TAFA2: variants seen among roughly 807,000 people sequenced by gnomAD.
TAFA2 encodes the protein chemokine-like protein TAFA-2.
In TAFA2, 7 loss-of-function variants were observed where a neutral mutation model predicts 18.8. The ratio of observed to expected loss-of-function variants is 0.37; its 90% CI spans 0.21 to 0.70. The LOEUF is 0.70. TAFA2 is among the 30% of genes least tolerant of loss of function. The pLI is 0.53. For missense variants in TAFA2, 122 were observed against 158.1 expected, an observed-to-expected ratio of 0.77 and a Z score of 1.23; for synonymous variants, 60 against 54.2, an observed-to-expected ratio of 1.11 and a Z score of -0.47.
chr12:61,800,285 C>T (rs1193430714), intron 2 of TAFA2, among the ~76,000 whole-genome samples: 1 of 152,088 alleles, frequency 6.6e-6, no homozygotes, highest in Non-Finnish European at 1.5e-5. Context: ...TGGCTGAGAA[C>T]TCTATTTTCA....
intron 2 of TAFA2, among the ~76,000 whole-genome samples, chr12:61,859,433 A>ATTGTGTTTTTGT: frequency 6.6e-6 from 1 of 151,260 alleles, no homozygotes; most frequent in South Asian, 2.1e-4. Context: ...ACAAAGCAAT[A>ATTGTGTTTTTGT]TTTTGTTTTT....
At chr12:61,733,276 A>C (rs1043843302) in intron 4 of TAFA2, among the ~76,000 whole-genome samples, 1 of 151,960 alleles carries the variant, frequency 6.6e-6, no homozygotes, top group Admixed American at 6.6e-5. Flanking sequence ...CTTTAGTTTA[A>C]TTAGATCCCA....
intron 1 of TAFA2, among the ~76,000 whole-genome samples, chr12:61,900,128 T>C (rs1876033967): frequency 6.6e-6 from 1 of 152,224 alleles, no homozygotes; most frequent in African/African-American, 2.4e-5. Context: ...TTGGCATATT[T>C]CCAGGTTTTT....
intron 1 of TAFA2, among the ~76,000 whole-genome samples, chr12:62,154,969 T>G (rs774027911): frequency 4.6e-5 from 7 of 152,070 alleles, no homozygotes; most frequent in Non-Finnish European, 8.8e-5. Context: ...GAGAAAGAAA[T>G]AAAGGGCATC....
At chr12:62,168,928 C>G (rs1223795601) in intron 1 of TAFA2, among the ~76,000 whole-genome samples, 3 of 140,780 alleles carry the variant, frequency 2.1e-5, no homozygotes, top group Non-Finnish European at 4.6e-5. Context: ...CTCACTCTCT[C>G]ATTCTCACTC....
At chr12:61,960,464 T>C (rs1565696922) in intron 1 of TAFA2, among the ~76,000 whole-genome samples, 1 of 152,060 alleles carries the variant, frequency 6.6e-6, no homozygotes, top group Non-Finnish European at 1.5e-5. Context: ...AGTTTAACTA[T>C]TTACTAAGTT....
intron 1 of TAFA2, chr12:62,253,362 A>G (rs1287484032): frequency 1.3e-5 from 2 of 152,118 alleles, no homozygotes; most frequent in Non-Finnish European, 2.9e-5. Flanking sequence ...ACTTTCTAAC[A>G]TTTCTTCTTC....
chr12:62,079,545 TC>T (rs1868288444), intron 1 of TAFA2, among the ~76,000 whole-genome samples: 1 of 151,060 alleles, frequency 6.6e-6, no homozygotes, highest in Non-Finnish European at 1.5e-5. Flanking sequence ...GTGCCTGTAC[TC>T]CCAGCTACTC....
Position 62,059,371 on chromosome 12 carries a change from G to C in TAFA2, c.-2+131888C>G, listed in dbSNP as rs1309591006. 2.6e-5 allele frequency among the ~76,000 whole-genome samples: 4 copies of C among 152,000 alleles called. No homozygotes were observed. The East Asian group carries it at 7.7e-4, about 29-fold the overall frequency. On this transcript the variant is annotated intron_variant, in intron 1 of 4. Coordinates refer to ENST00000416284, the MANE Select transcript of TAFA2 (RefSeq NM_178539.5). ...AATTATTGAACTGCTGCTATGGAAC[G>C]AGCATTATTTTAGGCCCTGGGGCTG... is the stretch of plus-strand genomic sequence containing the variant.
chr12:61,777,485 T>C (rs1464550240), intron 2 of TAFA2, among the ~76,000 whole-genome samples: 2 of 151,802 alleles, frequency 1.3e-5, no homozygotes, highest in Admixed American at 6.6e-5. Flanking sequence ...TTCAGGATAA[T>C]AGGTACAACA....
intron 1 of TAFA2, among the ~76,000 whole-genome samples, chr12:61,895,777 T>C (rs1875815950): frequency 6.6e-6 from 1 of 152,124 alleles, no homozygotes; most frequent in African/African-American, 2.4e-5. Context: ...AGGTACTCAA[T>C]ATATGTGTTT....
intron 2 of TAFA2, among the ~76,000 whole-genome samples, chr12:61,766,764 A>C (rs1019598603): frequency 8.5e-5 from 13 of 152,128 alleles, no homozygotes; most frequent in African/African-American, 2.9e-4. Flanking sequence ...GAAAGAAATA[A>C]AAACAGTAAA....
At chr12:62,034,852 A>G (rs959281929) in intron 1 of TAFA2, among the ~76,000 whole-genome samples, 8 of 152,194 alleles carry the variant, frequency 5.3e-5, no homozygotes, top group African/African-American at 1.7e-4. Context: ...TATAGAAGCA[A>G]TGCTCATTAA....
intron 1 of TAFA2, among the ~76,000 whole-genome samples, chr12:61,876,885 T>C (rs1874871876): frequency 6.6e-6 from 1 of 152,152 alleles, no homozygotes; most frequent in South Asian, 2.1e-4. Context: ...TAGCGTTAAA[T>C]CCCTGAGCAC....
intron 1 of TAFA2, among the ~76,000 whole-genome samples, chr12:62,060,916 A>G (rs909058495): frequency 6.6e-6 from 1 of 152,108 alleles, no homozygotes; most frequent in African/African-American, 2.4e-5. Context: ...TGTATGCATA[A>G]AAATTAAAAA....
intron 4 of TAFA2, among the ~76,000 whole-genome samples, chr12:61,745,598 C>T (rs1868664494): frequency 1.3e-5 from 2 of 152,100 alleles, no homozygotes; most frequent in Non-Finnish European, 2.9e-5. Flanking sequence ...ATCCAACATA[C>T]TATATATTTA....
intron 4 of TAFA2, among the ~76,000 whole-genome samples, chr12:61,735,787 T>C (rs1224223191): frequency 7.2e-5 from 11 of 151,872 alleles, no homozygotes; most frequent in Admixed American, 7.2e-4. Flanking sequence ...TATTATTTTG[T>C]TTTTGTTTAC....
At chr12:61,770,062 G>A (rs770315759) in intron 2 of TAFA2, among the ~76,000 whole-genome samples, 1 of 151,872 alleles carries the variant, frequency 6.6e-6, no homozygotes, top group Non-Finnish European at 1.5e-5. Context: ...AGAACTTCTG[G>A]GAAGGAAGGA....
intron 1 of TAFA2, chr12:61,877,995 A>T (rs1035458351): frequency 2.9e-5 from 13 of 449,928 alleles, no homozygotes; most frequent in African/African-American, 2.0e-5. Flanking sequence ...CTTAAAAAGA[A>T]ATTACAACAT....
Sources: allele counts gnomAD v4.1 joint callset (sites outside exome capture counted in the v4.1 genomes callset), GRCh38; gene constraint gnomAD v4.1.1; transcripts MANE v1.5; gene names NCBI Gene and HGNC (gene_info 2026-07-23, HGNC 2026-07-21).